SEMA6D: variants seen among roughly 807,000 people sequenced by gnomAD.
The protein encoded by SEMA6D is semaphorin-6D.
SEMA6D carries 35 observed loss-of-function variants against 106.6 expected under a neutral mutation model. The ratio of observed to expected loss-of-function variants is 0.33; its 90% CI spans 0.25 to 0.44. SEMA6D has a LOEUF of 0.44. Ranked by LOEUF, SEMA6D falls within the 20% of genes least tolerant of loss-of-function variation. The pLI, the probability that SEMA6D is intolerant of heterozygous loss-of-function variation, is 1.00. For missense variants in SEMA6D, 1,185 were observed against 1,345.9 expected, an observed-to-expected ratio of 0.88 and a Z score of 1.87; for synonymous variants, 499 against 487.7, an observed-to-expected ratio of 1.02 and a Z score of -0.31.
intron 3 of SEMA6D, among the ~76,000 whole-genome samples, chr15:47,528,193 C>T (rs2044827074): frequency 6.6e-6 from 1 of 152,200 alleles, no homozygotes; most frequent in African/African-American, 2.4e-5. Context: ...TGCTTCAGCT[C>T]CTCCACACTT....
At position 47,771,271 on chromosome 15, in the gene SEMA6D, C is replaced by T. The variant is rs1157751246; in HGVS notation, c.2708C>T (p.Ala903Val). 6.2e-7 allele frequency: 1 copy of T among 1,614,068 alleles called. No individual in the cohort carries two copies. The highest frequency in any genetic ancestry group is 1.7e-4 in the Middle Eastern group (1 of 6,058). Residue 903 changes from alanine (A) to valine (V), a missense_variant, in exon 19 of 19, where the codon GCA (alanine) becomes GTA (valine). Around this residue, in one of 3 missense-constraint regions of SEMA6D, gnomAD observed 750 missense variants for 783.5 expected, o/e 0.96. Transcript: ENST00000536845. Reference sequence around the variant, plus strand: ...GCCATCATGGGAGACATCCAGATGGCACACCAGAACTTAATGCTGGATCCC... The same window carrying T: ...GCCATCATGGGAGACATCCAGATGGTACACCAGAACTTAATGCTGGATCCC... ...PKAIMGDIQM[A>V]HQNLMLDPMG...
intron 4 of SEMA6D, among the ~76,000 whole-genome samples, chr15:47,681,023 A>G (rs1282831728): frequency 6.6e-6 from 1 of 152,232 alleles, no homozygotes; most frequent in Non-Finnish European, 1.5e-5. Context: ...AAAACAGTAT[A>G]GAGATTCCTC....
At chr15:47,341,184 G>A (rs1337907447) in intron 1 of SEMA6D, among the ~76,000 whole-genome samples, 1 of 152,060 alleles carries the variant, frequency 6.6e-6, no homozygotes, top group Non-Finnish European at 1.5e-5. Flanking sequence ...AAGGTCAGGA[G>A]TTTGAGACCA....
intron 1 of SEMA6D, among the ~76,000 whole-genome samples, chr15:47,367,862 CT>C (rs1349285351): frequency 6.6e-6 from 1 of 152,022 alleles, no homozygotes; most frequent in Non-Finnish European, 1.5e-5. Flanking sequence ...ATGCTTTCTG[CT>C]TTTTTGATGA....
chr15:47,262,504 A>G (rs1276452435), intron 1 of SEMA6D, among the ~76,000 whole-genome samples: 1 of 152,070 alleles, frequency 6.6e-6, no homozygotes, highest in African/African-American at 2.4e-5. Context: ...TAAAACCATC[A>G]GATCACATGA....
intron 1 of SEMA6D, among the ~76,000 whole-genome samples, chr15:47,349,491 T>G (rs648585): frequency 0.47 from 71,030 of 152,004 alleles, 19,710 homozygotes; most frequent in South Asian, 0.61. Flanking sequence ...TAAAGACAGA[T>G]AAATATTACC....
chr15:47,426,742 C>T (rs984438133), intron 2 of SEMA6D, among the ~76,000 whole-genome samples: 3 of 152,094 alleles, frequency 2.0e-5, no homozygotes, highest in Non-Finnish European at 4.4e-5. Flanking sequence ...AAATATTTTT[C>T]CCCCAAGTAA....
chr15:47,352,768 C>T (rs1379925910), intron 1 of SEMA6D, among the ~76,000 whole-genome samples: 1 of 152,120 alleles, frequency 6.6e-6, no homozygotes, highest in Non-Finnish European at 1.5e-5. Flanking sequence ...ATAGTATATA[C>T]TGCAAGACTT....
At chr15:47,367,093 A>G (rs371943835) in intron 1 of SEMA6D, among the ~76,000 whole-genome samples, 21 of 152,332 alleles carry the variant, frequency 1.4e-4, no homozygotes, top group African/African-American at 4.6e-4. Context: ...TAATAATAGC[A>G]TCTGCCTCAT....
rs190592786 is a variant in SEMA6D at position 47,295,070 on chromosome 15, G to C, written c.-239+110652G>C. 4.6e-3 allele frequency among the ~76,000 whole-genome samples: 704 copies of C among 152,274 alleles called. 4 individuals carry two copies. The highest frequency in any genetic ancestry group is 8.1e-3 in the Admixed American group (124 of 15,294). On this transcript the variant is annotated intron_variant, in intron 1 of 19. Transcript: ENST00000558014. ...AGAGAAGCAGAAAGACAATAGGCCG[G>C]CAAGAGGGGGCATCAGGTTTGAAGT...
intron 1 of SEMA6D, among the ~76,000 whole-genome samples, chr15:47,759,338 C>T (rs546985033): frequency 1.5e-4 from 23 of 152,080 alleles, no homozygotes; most frequent in East Asian, 7.7e-4. Flanking sequence ...GCGTTTTATG[C>T]GGGGCAGAGA....
At chr15:47,635,709 A>G (rs879365381) in intron 4 of SEMA6D, among the ~76,000 whole-genome samples, 4 of 152,212 alleles carry the variant, frequency 2.6e-5, no homozygotes, top group South Asian at 2.1e-4. Context: ...CACAGTTGGT[A>G]TCTGGAGAAT....
intron 1 of SEMA6D, among the ~76,000 whole-genome samples, chr15:47,204,692 G>A (rs1372918501): frequency 6.6e-6 from 1 of 151,974 alleles, no homozygotes; most frequent in South Asian, 2.1e-4. Flanking sequence ...TAACATCTCT[G>A]ATAAATTATA....
chr15:47,642,654 G>T (rs1030081349), intron 4 of SEMA6D, among the ~76,000 whole-genome samples: 1 of 152,166 alleles, frequency 6.6e-6, no homozygotes, highest in African/African-American at 2.4e-5. Context: ...GGGAGTCTGT[G>T]AGAGAGAGCA....
At chr15:47,337,081 T>C (rs2037595755) in intron 1 of SEMA6D, among the ~76,000 whole-genome samples, 1 of 152,008 alleles carries the variant, frequency 6.6e-6, no homozygotes, top group Non-Finnish European at 1.5e-5. Flanking sequence ...TTAAAGGAAG[T>C]TTGAGGGGTG....
chr15:47,654,934 G>C (rs1399464898), intron 4 of SEMA6D, among the ~76,000 whole-genome samples: 1 of 152,074 alleles, frequency 6.6e-6, no homozygotes, highest in East Asian at 1.9e-4. Context: ...TGCAAGAATG[G>C]CCTAATACAA....
intron 3 of SEMA6D, among the ~76,000 whole-genome samples, chr15:47,593,290 A>G (rs1409056048): frequency 2.6e-5 from 4 of 151,496 alleles, no homozygotes; most frequent in Admixed American, 2.6e-4. Flanking sequence ...CTGTAGTCCC[A>G]GCTGTTCAGG....
At chr15:47,557,321 G>T (rs1269896778) in intron 3 of SEMA6D, among the ~76,000 whole-genome samples, 1 of 152,122 alleles carries the variant, frequency 6.6e-6, no homozygotes, top group Non-Finnish European at 1.5e-5. Context: ...TTCACAGTTA[G>T]CTACCTACAC....
chr15:47,651,837 G>A (rs1172679626), intron 4 of SEMA6D, among the ~76,000 whole-genome samples: 1 of 152,086 alleles, frequency 6.6e-6, no homozygotes, highest in African/African-American at 2.4e-5. Flanking sequence ...TTGGTATCTG[G>A]TCTCCAGGAC....
Sources: allele counts gnomAD v4.1 joint callset (sites outside exome capture counted in the v4.1 genomes callset), GRCh38; gene constraint gnomAD v4.1.1; regional missense constraint gnomAD v4.1.1; transcripts MANE v1.5; gene names NCBI Gene and HGNC (gene_info 2026-07-23, HGNC 2026-07-21).